TMEM51: variants seen among roughly 807,000 people sequenced by gnomAD.
TMEM51 encodes the protein chromosome 1 open reading frame 72.
In TMEM51, 8 loss-of-function variants were observed where a neutral mutation model predicts 13.6. The observed-to-expected ratio is 0.59, with a 90% CI of 0.35 to 1.07. The LOEUF is 1.07. Ranked by LOEUF, TMEM51 falls within the 50% of genes least tolerant of loss-of-function variation. TMEM51 has a pLI of 0.02. For missense variants in TMEM51, 279 were observed against 330.7 expected, an observed-to-expected ratio of 0.84 and a Z score of 1.21; for synonymous variants, 147 against 144.4, an observed-to-expected ratio of 1.02 and a Z score of -0.13.
chr1:15,206,852 T>A (rs1644259899), intron 1 of TMEM51, among the ~76,000 whole-genome samples: 1 of 152,148 alleles, frequency 6.6e-6, no homozygotes, highest in Non-Finnish European at 1.5e-5. Flanking sequence ...ATTTGCACAT[T>A]GCTTTTTGTT....
chr1:15,168,118 T>A (rs1181394506), intron 1 of TMEM51, among the ~76,000 whole-genome samples: 1 of 152,214 alleles, frequency 6.6e-6, no homozygotes, highest in East Asian at 1.9e-4. Context: ...CTTTTAGATG[T>A]TTGCCTGGTC....
chr1:15,191,497 G>C (rs987325923), intron 1 of TMEM51, among the ~76,000 whole-genome samples: 1 of 152,132 alleles, frequency 6.6e-6, no homozygotes, highest in Admixed American at 6.5e-5. Context: ...GGTCCAAGTC[G>C]CCTCACCTGG....
chr1:15,164,807 C>CTTTT (rs67258662), intron 1 of TMEM51, among the ~76,000 whole-genome samples: 1 of 116,314 alleles, frequency 8.6e-6, no homozygotes. Context: ...TTTTTTTTTC[C>CTTTT]TTTTTTTTTT....
At chr1:15,153,404 T>C (rs2013070), upstream of TMEM51, among the ~76,000 whole-genome samples, 118,418 of 151,116 alleles carry the variant, frequency 0.78, 46,238 homozygotes, top group East Asian at 0.94. Context: ...CACACGCGCG[T>C]GCGCGCACAC....
intron 1 of TMEM51, among the ~76,000 whole-genome samples, chr1:15,165,581 T>C (rs1642966462): frequency 6.6e-6 from 1 of 152,212 alleles, no homozygotes; most frequent in African/African-American, 2.4e-5. Context: ...CACTTTTAAT[T>C]CCAAGATTTT....
chr1:15,201,279 TTAAG>T (rs1475595452), intron 1 of TMEM51, among the ~76,000 whole-genome samples: 2 of 151,954 alleles, frequency 1.3e-5, no homozygotes, highest in African/African-American at 4.8e-5. Flanking sequence ...TGTGATTATA[TTAAG>T]TAAATAATAT....
intron 1 of TMEM51, among the ~76,000 whole-genome samples, chr1:15,162,558 G>A (rs1185831430): frequency 2.0e-5 from 3 of 152,122 alleles, no homozygotes; most frequent in East Asian, 3.9e-4. Flanking sequence ...AGAGATATTT[G>A]TACACCCATG....
At chr1:15,212,375 CT>C (rs1644354267) in intron 2 of TMEM51, among the ~76,000 whole-genome samples, 1 of 152,190 alleles carries the variant, frequency 6.6e-6, no homozygotes, top group African/African-American at 2.4e-5. Flanking sequence ...TGGAGCCTGT[CT>C]TTCTCTCGTG....
intron 1 of TMEM51, among the ~76,000 whole-genome samples, chr1:15,189,591 G>T (rs1383147939): frequency 6.6e-6 from 1 of 152,198 alleles, no homozygotes; most frequent in Non-Finnish European, 1.5e-5. Flanking sequence ...CAGAGGCTGG[G>T]ACACCCACCG....
At chr1:15,182,449 T>C (rs17381955) in intron 1 of TMEM51, among the ~76,000 whole-genome samples, 64,411 of 151,996 alleles carry the variant, frequency 0.42, 14,661 homozygotes, top group East Asian at 0.87. Flanking sequence ...ATCATCAGTA[T>C]ACCAGGACCA....
At chr1:15,187,636 C>T (rs751113093) in intron 1 of TMEM51, among the ~76,000 whole-genome samples, 1 of 152,204 alleles carries the variant, frequency 6.6e-6, no homozygotes, top group Non-Finnish European at 1.5e-5. Context: ...CTGGTTCTTC[C>T]ACCCTCTATT....
Position 15,220,376 on chromosome 1 carries a change from C to CAAAAAAAAA in TMEM51, c.*642_*650dup. The CAAAAAAAAA allele has an allele frequency of 7.9e-6, 1 of 126,634 alleles. No homozygotes were observed. Among genetic ancestry groups the CAAAAAAAAA allele is most frequent in the Non-Finnish European group, 1.7e-5 (1 of 60,416 alleles). 7.8% of individuals were successfully genotyped at this position (126,634 alleles called of 1,614,324 possible). Reference sequence around the variant, plus strand: ...TTAACTAGTCTCTTCTGTGTAACAGCAAAAAAAAAAAAAAAAAGAAGAAGA... The same window carrying CAAAAAAAAA: ...TTAACTAGTCTCTTCTGTGTAACAGCAAAAAAAAAAAAAAAAAAAAAAAAAAGAAGAAGA... On this transcript the variant is annotated 3_prime_UTR_variant, in exon 4 of 4. Transcript: ENST00000376008.
At chr1:15,174,923 C>G (rs1050978689) in intron 1 of TMEM51, among the ~76,000 whole-genome samples, 1 of 152,158 alleles carries the variant, frequency 6.6e-6, no homozygotes, top group Non-Finnish European at 1.5e-5. Context: ...ACCCAAAGCC[C>G]TATCTCCTAA....
intron 1 of TMEM51, among the ~76,000 whole-genome samples, chr1:15,209,235 C>CATT (rs57675605): frequency 0.022 from 3,219 of 148,044 alleles, 112 homozygotes; most frequent in African/African-American, 0.073. Context: ...ACACTGGGCT[C>CATT]ATTATTATTA....
chr1:15,170,751 C>T (rs1389223648), intron 1 of TMEM51, among the ~76,000 whole-genome samples: 6 of 151,840 alleles, frequency 4.0e-5, no homozygotes, highest in East Asian at 2.0e-4. Flanking sequence ...TTTTTTGAGA[C>T]GGAGTCTCCC....
intron 3 of TMEM51, among the ~76,000 whole-genome samples, chr1:15,218,836 T>G (rs181841212): frequency 4.8e-4 from 73 of 152,262 alleles, no homozygotes; most frequent in Non-Finnish European, 9.9e-4. Context: ...AGCTTGCCCC[T>G]CAATTTGCAT....
chr1:15,200,749 G>A (rs1057043729), intron 1 of TMEM51, among the ~76,000 whole-genome samples: 2 of 152,026 alleles, frequency 1.3e-5, no homozygotes, highest in African/African-American at 2.4e-5. Context: ...ACATCTCAGC[G>A]TCAATTATTT....
chr1:15,184,616 G>T (rs1333087301), intron 1 of TMEM51, among the ~76,000 whole-genome samples: 1 of 152,156 alleles, frequency 6.6e-6, no homozygotes, highest in Non-Finnish European at 1.5e-5. Context: ...TTGTCCAGGT[G>T]ACAGTGGCTT....
At chr1:15,211,583 A>T (rs555578310) in intron 2 of TMEM51, among the ~76,000 whole-genome samples, 2 of 152,062 alleles carry the variant, frequency 1.3e-5, no homozygotes, top group Non-Finnish European at 2.9e-5. Context: ...AGCTGTGGAG[A>T]CTGAAGCACA....
Sources: allele counts gnomAD v4.1 joint callset (sites outside exome capture counted in the v4.1 genomes callset), GRCh38; gene constraint gnomAD v4.1.1; transcripts MANE v1.5; gene names NCBI Gene and HGNC (gene_info 2026-07-23, HGNC 2026-07-21).